Variants in RAB7A observed in about 807,000 individuals in gnomAD.
RAB7A encodes the protein ras-related protein Rab-7a.
RAB7A carries 2 observed loss-of-function variants against 24.5 expected under a neutral mutation model. The observed-to-expected ratio is 0.08, with a 90% CI of 0.03 to 0.26. The LOEUF (loss-of-function observed/expected upper bound fraction) is 0.26. Ranked by LOEUF, RAB7A falls within the 10% of genes least tolerant of loss-of-function variation. The pLI is 1.00. For synonymous variants in RAB7A, 100 were observed against 95.9 expected, an observed-to-expected ratio of 1.04 and a Z score of -0.25; for missense variants, 118 against 255.7, an observed-to-expected ratio of 0.46 and a Z score of 3.67.
At chr3:128,786,629 A>C (rs73198846) in intron 1 of RAB7A, among the ~76,000 whole-genome samples, 6,321 of 152,274 alleles carry the variant, frequency 0.042, 180 homozygotes, top group Non-Finnish European at 0.058. Flanking sequence ...GAAGCCTGCT[A>C]CTTCCGAACT....
intron 1 of RAB7A, among the ~76,000 whole-genome samples, chr3:128,793,384 A>G (rs1390499637): frequency 1.3e-5 from 2 of 151,326 alleles, no homozygotes; most frequent in East Asian, 3.9e-4. Context: ...TGAACTCCTG[A>G]CCTTGTGATC....
intron 3 of RAB7A, among the ~76,000 whole-genome samples, chr3:128,801,947 A>G (rs926047208): frequency 2.0e-5 from 3 of 152,222 alleles, no homozygotes; most frequent in African/African-American, 7.2e-5. Flanking sequence ...GACTCTTGGC[A>G]GTAGCAGCAG....
At chr3:128,811,662 C>T (rs978125908) in intron 5 of RAB7A, among the ~76,000 whole-genome samples, 1 of 152,120 alleles carries the variant, frequency 6.6e-6, no homozygotes, top group Non-Finnish European at 1.5e-5. Context: ...CCATCTTGGG[C>T]AACATAGCAA....
rs539485647 is a variant in RAB7A at position 128,791,980 on chromosome 3, C to T, written c.-8-3380C>T. ...GAGTCAGAATCTAGAAAGATCTACC[C>T]ACCCATCAACCCTCACACAGGTGTT... On this transcript the variant is annotated intron_variant, in intron 1 of 5. Coordinates refer to ENST00000265062, the MANE Select transcript of RAB7A (RefSeq NM_004637.6). 9.2e-5 allele frequency among the ~76,000 whole-genome samples: 14 copies of T among 152,350 alleles called. No individual in the cohort carries two copies. The South Asian group carries it at 2.9e-3, about 32-fold the overall frequency.
intron 1 of RAB7A, among the ~76,000 whole-genome samples, chr3:128,754,234 A>G (rs1455287784): frequency 6.6e-6 from 1 of 152,190 alleles, no homozygotes; most frequent in Non-Finnish European, 1.5e-5. Flanking sequence ...TGTTTTGGAC[A>G]CACAACACAT....
chr3:128,764,889 G>T (rs373929143), intron 1 of RAB7A: 4 of 1,444,808 alleles, frequency 2.8e-6, no homozygotes, highest in Non-Finnish European at 3.8e-6. Context: ...CATCATCGCG[G>T]TCAAAGTTGT....
At chr3:128,752,794 T>C (rs903242433) in intron 1 of RAB7A, among the ~76,000 whole-genome samples, 5 of 151,962 alleles carry the variant, frequency 3.3e-5, no homozygotes, top group African/African-American at 7.2e-5. Flanking sequence ...GAGGTTGATA[T>C]TTATTTTTTT....
At chr3:128,798,651 CT>C (rs377530782) in intron 3 of RAB7A, among the ~76,000 whole-genome samples, 1 of 151,714 alleles carries the variant, frequency 6.6e-6, no homozygotes, top group African/African-American at 2.4e-5. Context: ...CTATTATTCC[CT>C]TTTTTTCCCC....
At chr3:128,783,219 C>G (rs939690129) in intron 1 of RAB7A, among the ~76,000 whole-genome samples, 1 of 147,890 alleles carries the variant, frequency 6.8e-6, no homozygotes, top group African/African-American at 2.5e-5. Flanking sequence ...CCCCCGCCCC[C>G]CACAAACACA....
chr3:128,730,483 C>T (rs937493501), intron 1 of RAB7A, among the ~76,000 whole-genome samples: 2 of 152,222 alleles, frequency 1.3e-5, no homozygotes, highest in African/African-American at 4.8e-5. Flanking sequence ...CCGCCTCGGC[C>T]TCCCAAAGTG....
chr3:128,748,654 G>A (rs1472101073), intron 1 of RAB7A: 1 of 152,318 alleles, frequency 6.6e-6, no homozygotes, highest in Non-Finnish European at 1.5e-5. Flanking sequence ...TCTTTCCGTG[G>A]ACTTGGTAAT....
intron 1 of RAB7A, among the ~76,000 whole-genome samples, chr3:128,743,178 C>T (rs1250933451): frequency 6.6e-6 from 1 of 152,236 alleles, no homozygotes; most frequent in African/African-American, 2.4e-5. Context: ...CTAAGCCCCT[C>T]ACTGCCCCAG....
chr3:128,807,672 G>A lies in RAB7A; in HGVS notation c.528+1G>A. Reference sequence around the variant, plus strand: ...GATTGCACGGAATGCACTTAAGCAGGTGGGTCTCCCACAGCTGACCAGCCC... The same window carrying A: ...GATTGCACGGAATGCACTTAAGCAGATGGGTCTCCCACAGCTGACCAGCCC... On this transcript the variant is annotated splice_donor_variant, in intron 5 of 5. Coordinates refer to ENST00000265062, the MANE Select transcript of RAB7A (RefSeq NM_004637.6). LOFTEE classifies it high-confidence loss of function. 6.2e-7 allele frequency: 1 copy of A among 1,614,140 alleles called. No homozygotes were observed. Among genetic ancestry groups the A allele is most frequent in the Non-Finnish European group, 8.5e-7 (1 of 1,180,034 alleles).
At chr3:128,759,435 G>C (rs1296938649) in intron 1 of RAB7A, among the ~76,000 whole-genome samples, 2 of 152,238 alleles carry the variant, frequency 1.3e-5, no homozygotes, top group Non-Finnish European at 2.9e-5. Flanking sequence ...GCTGTGCACT[G>C]GGTGATCTTG....
At chr3:128,793,807 T>C (rs1177874531) in intron 1 of RAB7A, among the ~76,000 whole-genome samples, 3 of 152,216 alleles carry the variant, frequency 2.0e-5, no homozygotes, top group African/African-American at 7.2e-5. Flanking sequence ...TGAATGCTGG[T>C]GGGCTGAGAT....
At position 128,737,825 on chromosome 3, in the gene RAB7A, G is replaced by GTTTTTTTTTTTTTTTTTT. The variant is rs56027163; in HGVS notation, c.-9+11481_-9+11498dup. Among the ~76,000 whole-genome samples, 11 of 59,490 alleles carry GTTTTTTTTTTTTTTTTTT rather than the reference G, an allele frequency of 1.8e-4. 1 individual carries two copies. The highest frequency in any genetic ancestry group is 2.7e-4 in the Non-Finnish European group (9 of 33,404). 39.0% of individuals were successfully genotyped at this position (59,490 alleles called of 152,430 possible). A position where few individuals can be genotyped will look rare whatever the true frequency, so the allele number is the denominator to read the frequency against. On this transcript the variant is annotated intron_variant, in intron 1 of 5. Coordinates refer to ENST00000265062, the MANE Select transcript of RAB7A (RefSeq NM_004637.6). ...CACCACATCTGGCTATTTTTTTGTAGTTTTTTTTTTTTTTTTTTTTTTTTT... is the reference window on the plus strand; with the variant it reads ...CACCACATCTGGCTATTTTTTTGTAGTTTTTTTTTTTTTTTTTTTTTTTTTTTTTTTTTTTTTTTTTTT...
intron 1 of RAB7A, among the ~76,000 whole-genome samples, chr3:128,731,617 GT>G (rs1226827895): frequency 2.6e-5 from 4 of 152,162 alleles, no homozygotes; most frequent in African/African-American, 9.7e-5. Flanking sequence ...GTCAGTCTAG[GT>G]CTGCTAACTC....
chr3:128,757,000 C>T (rs137899075), intron 1 of RAB7A, among the ~76,000 whole-genome samples: 381 of 152,180 alleles, frequency 2.5e-3, no homozygotes, highest in African/African-American at 8.9e-3. Flanking sequence ...CGCACCACCA[C>T]GCCCGGCTCA....
intron 1 of RAB7A, among the ~76,000 whole-genome samples, chr3:128,767,545 T>G (rs1284335422): frequency 1.3e-5 from 2 of 152,076 alleles, no homozygotes; most frequent in Non-Finnish European, 2.9e-5. Context: ...TAGGGAAAGA[T>G]TTGTATGGCT....
Sources: gnomAD v4.1 joint callset for allele counts (sites outside exome capture counted in the v4.1 genomes callset) on GRCh38, gnomAD v4.1.1 for gene constraint, MANE v1.5 for transcripts, NCBI Gene and HGNC (gene_info 2026-07-23, HGNC 2026-07-21) for gene names.